Variants in SI observed in about 807,000 individuals in gnomAD.
The protein encoded by SI is sucrase-isomaltase, intestinal.
SI carries 235 observed loss-of-function variants against 253.3 expected under a neutral mutation model. The ratio of observed to expected loss-of-function variants is 0.93; its 90% confidence interval spans 0.83 to 1.03. The LOEUF is 1.03. SI is among the 50% of genes least tolerant of loss of function. SI has a pLI of 0.00. For synonymous variants in SI, 819 were observed against 712.0 expected, an observed-to-expected ratio of 1.15 and a Z score of -2.39; for missense variants, 2,442 against 2,211.1, an observed-to-expected ratio of 1.10 and a Z score of -2.09.
chr3:165,049,722 A>T (rs1432047601), intron 14 of SI, 69 bp downstream of exon 14: 1 of 869,310 alleles, frequency 1.2e-6, no homozygotes, highest in East Asian at 2.5e-5. Context: ...AATATATGTT[A>T]GAAATTACTA....
At chr3:165,010,794 G>A (rs1203340220) in intron 34 of SI, among the ~76,000 whole-genome samples, 3 of 152,130 alleles carry the variant, frequency 2.0e-5, no homozygotes, top group Non-Finnish European at 4.4e-5. Context: ...GAGAATCCCA[G>A]GGAATTCTGC....
At chr3:165,069,238 A>C in intron 3 of SI, 43 bp from the exon 4 acceptor site, 1 of 1,227,196 alleles carries the variant, frequency 8.1e-7, no homozygotes, top group South Asian at 1.2e-5. Flanking sequence ...TACTACTATT[A>C]TCAGATGTCC....
chr3:165,025,862 T>C (rs1239861589), intron 25 of SI, among the ~76,000 whole-genome samples: 2 of 151,340 alleles, frequency 1.3e-5, no homozygotes, highest in Non-Finnish European at 3.0e-5. Context: ...AAACAAATCC[T>C]AGAAATACAT....
At chr3:164,990,900 A>G (rs146033698) in intron 44 of SI, among the ~76,000 whole-genome samples, 1 of 136,550 alleles carries the variant, frequency 7.3e-6, no homozygotes, top group East Asian at 2.0e-4. Flanking sequence ...AAGTATAGTA[A>G]AAAAAAAAAT....
intron 25 of SI, among the ~76,000 whole-genome samples, chr3:165,026,951 A>G (rs1711954174): frequency 6.6e-6 from 1 of 151,568 alleles, no homozygotes; most frequent in South Asian, 2.1e-4. Context: ...AACTCAGAAG[A>G]AGAAAGGAAA....
chr3:164,993,700 T>G (rs2108129850), intron 41 of SI, among the ~76,000 whole-genome samples: 1 of 151,802 alleles, frequency 6.6e-6, no homozygotes, highest in East Asian at 1.9e-4. Context: ...GGATGAAAAT[T>G]TTTGCAAATA....
intron 5 of SI, among the ~76,000 whole-genome samples, 174 bp from the exon 6 acceptor site, chr3:165,067,665 A>C (rs1714317637): frequency 6.6e-6 from 1 of 152,094 alleles, no homozygotes; most frequent in Non-Finnish European, 1.5e-5. Context: ...TGCACAGAAA[A>C]AGTGTATAAA....
At chr3:165,005,363 T>G (rs930891823) in intron 37 of SI, among the ~76,000 whole-genome samples, 1 of 152,172 alleles carries the variant, frequency 6.6e-6, no homozygotes, top group Non-Finnish European at 1.5e-5. Flanking sequence ...ATTGGATTGT[T>G]TGTAACACAA....
chr3:165,036,407 C>T lies in SI; in HGVS notation c.2497G>A (p.Asp833Asn). ...NNTAKGDFFWDDGETKDTIQN... is the reference protein window; with the variant it reads ...NNTAKGDFFWNDGETKDTIQN... ...GACTTACCTTTAGTTTCTCCATCAT[C>T]CCAGAAAAAGTCTCCTTTGGCTGTG... Residue 833 changes from aspartate (D) to asparagine (N), a missense_variant, in exon 22 of 48, where the codon GAT becomes AAT. Transcript: ENST00000264382. The T allele has an allele frequency of 3.1e-6, 5 of 1,610,090 alleles. No individual in the cohort carries two copies. Among genetic ancestry groups the T allele is most frequent in the Non-Finnish European group, 4.2e-6 (5 of 1,177,036 alleles).
At chr3:165,074,163 C>T (rs1714788135) in intron 3 of SI, among the ~76,000 whole-genome samples, 1 of 152,038 alleles carries the variant, frequency 6.6e-6, no homozygotes, top group African/African-American at 2.4e-5. Flanking sequence ...CTTCTTAATG[C>T]TATCATTACA....
chr3:165,021,176 C>A (rs1455814441), intron 27 of SI, 53 bp downstream of exon 27: 2 of 1,532,344 alleles, frequency 1.3e-6, no homozygotes, highest in Non-Finnish European at 1.8e-6. Context: ...TTACTTTTCC[C>A]TTCGTAAGCT....
intron 44 of SI, 31 bp from the exon 45 acceptor site, chr3:164,987,257 T>C: frequency 6.4e-7 from 1 of 1,563,204 alleles, no homozygotes; most frequent in Non-Finnish European, 8.8e-7. Flanking sequence ...ATTTTACCCA[T>C]GTTTGTAGAA....
chr3:165,049,903 A>C (rs1400248327), intron 13 of SI, 28 bp from the exon 14 acceptor site: 1 of 1,321,380 alleles, frequency 7.6e-7, no homozygotes, highest in Non-Finnish European at 1.1e-6. Context: ...GAAGAACAGC[A>C]GATTTTACAT....
chr3:165,015,213 A>G lies in SI; in HGVS notation c.3909T>C (p.Asn1303=), dbSNP rs1576886184. ...CAAATGCAGGGTAAGTCTTTGTTTC[A>G]TTTCCTGAAATTGCTGGATCCTAAA... ...IIILDPAISG[N]ETKTYPAFER... Residue 1303 remains asparagine, a synonymous_variant, in exon 33 of 48, where the codon AAT becomes AAC. Transcript: ENST00000264382. 6.2e-7 allele frequency: 1 copy of G among 1,612,804 alleles called. No homozygotes were observed. Among genetic ancestry groups the G allele is most frequent in the Non-Finnish European group, 8.5e-7 (1 of 1,179,050 alleles).
In SI at chr3:165,032,689, T is replaced by C; in HGVS notation, c.2569A>G (p.Thr857Ala). Residue 857 changes from threonine to alanine, a missense_variant, in exon 24 of 48, where the codon ACA (threonine) becomes GCA (alanine). Thr to Ala is a moderately conservative substitution (Grantham distance 58). Coordinates refer to ENST00000264382, the MANE Select transcript of SI (RefSeq NM_001041.4). ...ILYTFSVSNN[T>A]LDIVCTHSSY... ...GAATGTGTGCACACAATATCTAATGTGTTCTGAGAAAAATAGTATAAGATA... is the reference window on the plus strand; with the variant it reads ...GAATGTGTGCACACAATATCTAATGCGTTCTGAGAAAAATAGTATAAGATA... 1 of 1,589,184 alleles carries C rather than the reference T, an allele frequency of 6.3e-7. No homozygotes were observed. The highest frequency in any genetic ancestry group is 8.6e-7 in the Non-Finnish European group (1 of 1,159,564).
chr3:165,068,971 C>A, intron 4 of SI, 107 bp downstream of exon 4: 2 of 1,046,604 alleles, frequency 1.9e-6, no homozygotes, highest in Non-Finnish European at 1.5e-6. Flanking sequence ...GGAATTTGAA[C>A]ATTCTCAGGA....
At chr3:165,023,539 TA>T in intron 26 of SI, 30 bp downstream of exon 26, 2 of 1,459,008 alleles carry the variant, frequency 1.4e-6, no homozygotes, top group Non-Finnish European at 1.9e-6. Context: ...CAAGATGAGT[TA>T]AGCTTTGGGG....
At chr3:165,061,486 A>T (rs1490173310) in intron 9 of SI, among the ~76,000 whole-genome samples, 1 of 152,038 alleles carries the variant, frequency 6.6e-6, no homozygotes, top group Non-Finnish European at 1.5e-5. Flanking sequence ...TTAAACTGCA[A>T]AAAACCTTAG....
intron 14 of SI, 96 bp downstream of exon 14, chr3:165,049,695 A>G: frequency 1.3e-6 from 1 of 752,164 alleles, no homozygotes; most frequent in South Asian, 1.6e-5. Context: ...GAACTATACC[A>G]AAAATTGTAA....
Sources: gnomAD v4.1 joint callset for allele counts (sites outside exome capture counted in the v4.1 genomes callset) on GRCh38, gnomAD v4.1.1 for gene constraint, MANE v1.5 for transcripts, NCBI Gene and HGNC (gene_info 2026-07-23, HGNC 2026-07-21) for gene names.